GALNTL6: variants seen among roughly 807,000 people sequenced by gnomAD.
The protein encoded by GALNTL6 is polypeptide N-acetylgalactosaminyltransferase-like 6.
Under a neutral mutation model 73.7 loss-of-function variants are expected in GALNTL6, and 46 were observed. The observed-to-expected ratio is 0.62, with a 90% CI of 0.49 to 0.80. GALNTL6 has a LOEUF of 0.80. GALNTL6 is among the 30% of genes least tolerant of loss of function. The pLI is 0.00. For synonymous variants in GALNTL6, 259 were observed against 263.7 expected (o/e 0.98, Z 0.17); for missense variants, 604 against 755.0 (o/e 0.80, Z 2.34).
At chr4:172,907,323 T>C (rs1746952649) in intron 8 of GALNTL6, among the ~76,000 whole-genome samples, 1 of 152,202 alleles carries the variant, frequency 6.6e-6, no homozygotes, top group Non-Finnish European at 1.5e-5. Context: ...AAAGTGATGG[T>C]ATATTTTATT....
chr4:172,076,533 T>TA (rs908810753), intron 2 of GALNTL6, among the ~76,000 whole-genome samples: 10 of 152,170 alleles, frequency 6.6e-5, no homozygotes, highest in African/African-American at 1.9e-4. Flanking sequence ...CAAATAAAAT[T>TA]AAAAAAACAT....
At chr4:172,791,619 G>T (rs1459230613) in intron 5 of GALNTL6, among the ~76,000 whole-genome samples, 1 of 152,032 alleles carries the variant, frequency 6.6e-6, no homozygotes, top group Non-Finnish European at 1.5e-5. Context: ...AGGGTGGGAA[G>T]AGTAAGAAGT....
chr4:172,697,155 CA>C (rs1358717228), intron 5 of GALNTL6, among the ~76,000 whole-genome samples: 2 of 151,986 alleles, frequency 1.3e-5, no homozygotes, highest in African/African-American at 4.8e-5. Flanking sequence ...TTTTTTACAG[CA>C]AATTATGTGA....
chr4:172,060,347 CACAT>C (rs1731158712), intron 2 of GALNTL6, among the ~76,000 whole-genome samples: 1 of 151,974 alleles, frequency 6.6e-6, no homozygotes, highest in South Asian at 2.1e-4. Context: ...TATACATATG[CACAT>C]ACATACATGT....
chr4:173,025,462 A>C (rs938665773), intron 12 of GALNTL6, among the ~76,000 whole-genome samples: 1 of 151,876 alleles, frequency 6.6e-6, no homozygotes, highest in Admixed American at 6.6e-5. Flanking sequence ...TCTGAAATCC[A>C]CCCGCTCTTT....
At chr4:172,461,568 T>C (rs1048476202) in intron 5 of GALNTL6, among the ~76,000 whole-genome samples, 6 of 152,168 alleles carry the variant, frequency 3.9e-5, no homozygotes, top group African/African-American at 1.4e-4. Context: ...GAACAGTGTT[T>C]CACTCTGGCC....
chr4:172,114,184 G>A (rs868471018), intron 2 of GALNTL6, among the ~76,000 whole-genome samples: 1 of 152,060 alleles, frequency 6.6e-6, no homozygotes, highest in East Asian at 1.9e-4. Flanking sequence ...AGGGATGAAA[G>A]AGCCACATTC....
intron 5 of GALNTL6, among the ~76,000 whole-genome samples, chr4:172,689,512 C>A (rs906625574): frequency 1.3e-5 from 2 of 152,060 alleles, no homozygotes; most frequent in Non-Finnish European, 2.9e-5. Flanking sequence ...AAATTGCATT[C>A]TTTTTTTGAC....
intron 2 of GALNTL6, among the ~76,000 whole-genome samples, chr4:172,165,466 T>A (rs1734593199): frequency 6.6e-6 from 1 of 152,134 alleles, no homozygotes; most frequent in African/African-American, 2.4e-5. Flanking sequence ...ATCAGTGTCT[T>A]TGGGAGAGAA....
chr4:172,088,467 TC>T (rs1252628499), intron 2 of GALNTL6, among the ~76,000 whole-genome samples: 1 of 152,206 alleles, frequency 6.6e-6, no homozygotes, highest in African/African-American at 2.4e-5. Context: ...TATAACGCCT[TC>T]TTCATAGGGG....
chr4:171,865,833 G>T (rs1735956519), intron 2 of GALNTL6, among the ~76,000 whole-genome samples: 1 of 152,126 alleles, frequency 6.6e-6, no homozygotes, highest in African/African-American at 2.4e-5. Context: ...TTTCGTGATT[G>T]TTTTCTGTCA....
chr4:172,289,801 A>T (rs989314604), intron 3 of GALNTL6, among the ~76,000 whole-genome samples: 22 of 152,306 alleles, frequency 1.4e-4, no homozygotes, highest in African/African-American at 5.1e-4. Flanking sequence ...AGTGAGTAGT[A>T]TATGGTTCAG....
intron 5 of GALNTL6, among the ~76,000 whole-genome samples, chr4:172,462,547 G>T (rs1025033288): frequency 6.6e-6 from 1 of 152,206 alleles, no homozygotes; most frequent in Non-Finnish European, 1.5e-5. Context: ...TAAACTTTTC[G>T]CTCCTTAGGG....
At chr4:172,892,317 A>G (rs928635713) in intron 8 of GALNTL6, among the ~76,000 whole-genome samples, 1 of 151,982 alleles carries the variant, frequency 6.6e-6, no homozygotes, top group African/African-American at 2.4e-5. Flanking sequence ...TTGTTTTTAT[A>G]TATTCCTTTT....
chr4:171,912,143 A>G (rs1329170920), intron 2 of GALNTL6, among the ~76,000 whole-genome samples: 1 of 152,174 alleles, frequency 6.6e-6, no homozygotes, highest in African/African-American at 2.4e-5. Flanking sequence ...ACTAAAGGAA[A>G]TTAAAGAAAA....
chr4:171,934,209 C>T (rs1213687753), intron 2 of GALNTL6, among the ~76,000 whole-genome samples: 1 of 152,094 alleles, frequency 6.6e-6, no homozygotes, highest in Non-Finnish European at 1.5e-5. Context: ...CAGCATTGCT[C>T]TCATCTGTGA....
At chr4:172,883,814 T>C (rs1745580171) in intron 8 of GALNTL6, among the ~76,000 whole-genome samples, 1 of 151,538 alleles carries the variant, frequency 6.6e-6, no homozygotes, top group Non-Finnish European at 1.5e-5. Context: ...TCCCAGCCTC[T>C]GGTAACCACC....
In GALNTL6 at chr4:172,516,214, A is replaced by G. The variant is rs1178949893; in HGVS notation, c.553+167525A>G. 2.0e-5 allele frequency among the ~76,000 whole-genome samples: 3 copies of G among 152,200 alleles called. No homozygotes were observed. In the South Asian group the frequency reaches 6.2e-4, roughly 31 times the overall value. ...TGAGGCAGCACTCAAATTACCTAGC[A>G]CTTTGTAAAAAACATCTATTTCTGA... On this transcript the variant is annotated intron_variant, in intron 5 of 12. Coordinates refer to ENST00000506823, the MANE Select transcript of GALNTL6 (RefSeq NM_001034845.3).
At chr4:172,607,672 C>G (rs1306015632) in intron 5 of GALNTL6, among the ~76,000 whole-genome samples, 1 of 152,198 alleles carries the variant, frequency 6.6e-6, no homozygotes, top group South Asian at 2.1e-4. Flanking sequence ...AATTTCCAAA[C>G]TACTTTCCAC....
Sources: allele counts gnomAD v4.1 joint callset (sites outside exome capture counted in the v4.1 genomes callset), GRCh38; gene constraint gnomAD v4.1.1; transcripts MANE v1.5; gene names NCBI Gene and HGNC (gene_info 2026-07-23, HGNC 2026-07-21).